YIPF1: variants seen among roughly 807,000 people sequenced by gnomAD.
YIPF1 encodes the protein protein YIPF1.
Under a neutral mutation model 37.0 loss-of-function variants are expected in YIPF1, and 22 were observed. That is an observed-to-expected ratio of 0.59 (90% CI 0.42 to 0.85). The LOEUF (loss-of-function observed/expected upper bound fraction) is 0.85. YIPF1 is among the 40% of genes least tolerant of loss of function. The probability of loss-of-function intolerance (pLI) is 0.00; values close to 1 mark genes in which losing one functional copy is unlikely to be tolerated. For synonymous variants in YIPF1, 128 were observed against 131.9 expected (o/e 0.97, Z 0.21); for missense variants, 355 against 373.1 (o/e 0.95, Z 0.40).
Position 53,878,523 on chromosome 1 carries a change from C to G in YIPF1, c.276+119G>C, listed in dbSNP as rs1650395838. 8 of 1,462,358 alleles carry G rather than the reference C, an allele frequency of 5.5e-6. No homozygotes were observed. In the Admixed American group the frequency reaches 1.4e-4, roughly 26 times the overall value. The allele number at this position is 1,462,358 out of a possible 1,614,324, so 90.6% of individuals were successfully genotyped here. A position where few individuals can be genotyped will look rare whatever the true frequency, so the allele number is the denominator to read the frequency against. ...ATAGTATTTTCAAATGCTAATAACC[C>G]TTTACTTTTGTAAGACCATTTTCAG... On this transcript the variant is annotated intron_variant, in intron 5 of 10. Coordinates refer to ENST00000072644, the MANE Select transcript of YIPF1 (RefSeq NM_018982.5).
Position 53,866,821 on chromosome 1 carries a change from G to C in YIPF1, c.585C>G (p.Ser195=), listed in dbSNP as rs944457703. Residue 195 remains serine (S), a synonymous_variant, in exon 8 of 11, where the codon TCC becomes TCG. Transcript: ENST00000072644. ...CACACACAATCTCCAGAAATGAATAGGAGACGATGTTCATAACTTTGCTGT... is the reference window on the plus strand; with the variant it reads ...CACACACAATCTCCAGAAATGAATACGAGACGATGTTCATAACTTTGCTGT... ...WRNSKVMNIV[S]YSFLEIVCVY... The C allele has an allele frequency of 1.9e-6, 3 of 1,614,148 alleles. No homozygotes were observed. Among genetic ancestry groups the C allele is most frequent in the Non-Finnish European group, 2.5e-6 (3 of 1,180,026 alleles).
At position 53,870,613 on chromosome 1, in the gene YIPF1, C is replaced by T. The variant is rs75456890; in HGVS notation, c.481+759G>A. ...CTAGTTGAGCCATCACAGCCTAAAA[C>T]AATGTTTCTATTGTCTCCAAAATGT... On this transcript the variant is annotated intron_variant, in intron 7 of 10. Transcript: ENST00000072644. Among the ~76,000 whole-genome samples the T allele has an allele frequency of 2.4e-3, 367 of 152,244 alleles. 2 individuals are homozygous for T. Among genetic ancestry groups the T allele is most frequent in the African/African-American group, 8.2e-3 (342 of 41,560 alleles).
At chr1:53,883,074 A>C (rs1297599583) in intron 4 of YIPF1, 39 bp downstream of exon 4, 10 of 1,532,536 alleles carry the variant, frequency 6.5e-6, no homozygotes, top group Non-Finnish European at 7.9e-6. Flanking sequence ...AACAAGCTTT[A>C]AAAATTGTTT....
intron 9 of YIPF1, among the ~76,000 whole-genome samples, chr1:53,863,961 C>A (rs189702558): frequency 6.6e-6 from 1 of 152,208 alleles, no homozygotes; most frequent in East Asian, 1.9e-4. Context: ...AGGCTGATCT[C>A]GAACTCCTGA....
chr1:53,881,005 C>A (rs1452418525), intron 4 of YIPF1, among the ~76,000 whole-genome samples: 2 of 151,970 alleles, frequency 1.3e-5, no homozygotes, highest in East Asian at 3.9e-4. Context: ...TGGCTCATGC[C>A]TGTAATCCCA....
intron 6 of YIPF1, among the ~76,000 whole-genome samples, chr1:53,877,625 C>G (rs1650366837): frequency 6.6e-6 from 1 of 152,100 alleles, no homozygotes; most frequent in Admixed American, 6.6e-5. Context: ...CTGTTTTAGA[C>G]TTCCACTGCT....
intron 8 of YIPF1, 146 bp from the exon 9 acceptor site, chr1:53,866,528 A>G: frequency 1.0e-6 from 1 of 979,024 alleles, no homozygotes; most frequent in Non-Finnish European, 1.5e-6. Context: ...GAGGAACACC[A>G]CCAGCATGTA....
At chr1:53,869,096 G>C (rs867317656) in intron 7 of YIPF1, among the ~76,000 whole-genome samples, 1 of 151,874 alleles carries the variant, frequency 6.6e-6, no homozygotes, top group Non-Finnish European at 1.5e-5. Flanking sequence ...ATGGAAGGTA[G>C]AGGGGAAGAA....
intron 5 of YIPF1, 48 bp downstream of exon 5, chr1:53,878,594 A>G (rs1037514157): frequency 1.3e-6 from 2 of 1,569,616 alleles, no homozygotes; most frequent in African/African-American, 1.4e-5. Flanking sequence ...CATTAAAGAA[A>G]CAAGTCTCCT....
intron 6 of YIPF1, among the ~76,000 whole-genome samples, chr1:53,872,560 G>A (rs1323799058): frequency 6.6e-6 from 1 of 152,166 alleles, no homozygotes; most frequent in Non-Finnish European, 1.5e-5. Context: ...GTACTATGTA[G>A]AACAAATACT....
chr1:53,869,160 T>TCTCTCACACA (rs911930860), intron 7 of YIPF1, among the ~76,000 whole-genome samples: 12 of 138,052 alleles, frequency 8.7e-5, no homozygotes, highest in African/African-American at 2.8e-4. Context: ...TCTCTCTCTC[T>TCTCTCACACA]CACACACACA....
intron 4 of YIPF1, among the ~76,000 whole-genome samples, chr1:53,880,236 A>G (rs185917729): frequency 6.6e-6 from 1 of 152,232 alleles, no homozygotes; most frequent in Non-Finnish European, 1.5e-5. Context: ...TCAATGTGCA[A>G]AAATTGTTAG....
intron 7 of YIPF1, among the ~76,000 whole-genome samples, chr1:53,870,592 T>C (rs117953479): frequency 5.0e-4 from 76 of 152,300 alleles, no homozygotes; most frequent in Admixed American, 3.1e-3. Context: ...CCCCAGCTAG[T>C]TGAGCCATCA....
At chr1:53,854,242 ACT>A (rs1000765487) in intron 10 of YIPF1, among the ~76,000 whole-genome samples, 2 of 123,354 alleles carry the variant, frequency 1.6e-5, no homozygotes, top group African/African-American at 6.3e-5. Flanking sequence ...ACAGAGTGAG[ACT>A]CTGTCTGAAA....
intron 10 of YIPF1, among the ~76,000 whole-genome samples, chr1:53,859,381 T>C (rs761568256): frequency 6.6e-6 from 1 of 152,094 alleles, no homozygotes; most frequent in South Asian, 2.1e-4. Flanking sequence ...ACCAGATAAA[T>C]GGCCGGGCAC....
At chr1:53,852,949 C>T (rs1031246545) in intron 10 of YIPF1, among the ~76,000 whole-genome samples, 2 of 152,104 alleles carry the variant, frequency 1.3e-5, no homozygotes, top group African/African-American at 2.4e-5. Context: ...ATGAAATGAT[C>T]GGTCCTGAAC....
chr1:53,861,109 T>C (rs1047304420), intron 9 of YIPF1, among the ~76,000 whole-genome samples: 1 of 152,216 alleles, frequency 6.6e-6, no homozygotes, highest in African/African-American at 2.4e-5. Context: ...CCCCTACCTG[T>C]TGCTATTCCA....
chr1:53,859,940 T>A, intron 10 of YIPF1, 116 bp downstream of exon 10: 1 of 986,846 alleles, frequency 1.0e-6, no homozygotes, highest in Non-Finnish European at 1.5e-6. Context: ...CACGCTGAAC[T>A]GTGCAGAAGG....
intron 10 of YIPF1, among the ~76,000 whole-genome samples, chr1:53,857,058 C>G (rs894207808): frequency 3.9e-5 from 6 of 152,148 alleles, no homozygotes; most frequent in African/African-American, 1.4e-4. Flanking sequence ...ACAGAGAGGC[C>G]CACGTGGCAA....
Sources: allele counts gnomAD v4.1 joint callset (sites outside exome capture counted in the v4.1 genomes callset), GRCh38; gene constraint gnomAD v4.1.1; transcripts MANE v1.5; gene names NCBI Gene and HGNC (gene_info 2026-07-23, HGNC 2026-07-21).